TMEM213: variants seen among roughly 807,000 people sequenced by gnomAD.
TMEM213 encodes the protein transmembrane protein 213.
In TMEM213, 7 loss-of-function variants were observed where a neutral mutation model predicts 11.6. The ratio of observed to expected loss-of-function variants is 0.60; its 90% CI spans 0.34 to 1.13. The LOEUF is 1.13. Ranked by LOEUF, TMEM213 falls within the 50% of genes most tolerant of loss-of-function variation. The probability of loss-of-function intolerance (pLI) is 0.03; values close to 1 mark genes in which losing one functional copy is unlikely to be tolerated. For missense variants in TMEM213, 129 were observed against 139.0 expected, an observed-to-expected ratio of 0.93 and a Z score of 0.36; for synonymous variants, 60 against 58.3, an observed-to-expected ratio of 1.03 and a Z score of -0.13.
rs61044050 is a variant in TMEM213, at chr7:138,805,395, G to GAAAAAAAAAAAAAA, written c.*2330_*2343dup. 8.6e-6 allele frequency: 1 copy of GAAAAAAAAAAAAAA among 115,652 alleles called. No homozygotes were observed. The allele number at this position is 115,652 out of a possible 1,614,324, so 7.2% of individuals were successfully genotyped here. A position where few individuals can be genotyped will look rare whatever the true frequency, so the allele number is the denominator to read the frequency against. The stretch of plus-strand genomic sequence containing the variant: ...GGGCAACAAAGTGAGACCCTGTCTG[G>GAAAAAAAAAAAAAA]AAAAAAAAAAAAAAAAAGCGTCTGC... On this transcript the variant is annotated 3_prime_UTR_variant, in exon 3 of 3. Transcript: ENST00000442682.
At chr7:138,802,477 G>A (rs1808978212) in intron 2 of TMEM213, among the ~76,000 whole-genome samples, 1 of 150,220 alleles carries the variant, frequency 6.7e-6, no homozygotes, top group Non-Finnish European at 1.5e-5. Context: ...CTTGAACCCA[G>A]AAGGCAGAAG....
At chr7:138,802,864 T>C (rs994556128) in intron 2 of TMEM213, 36 bp from the exon 3 acceptor site, 2 of 1,521,740 alleles carry the variant, frequency 1.3e-6, no homozygotes, top group African/African-American at 2.8e-5. Flanking sequence ...GGGCTGGTGG[T>C]GCATGCCGTC....
chr7:138,800,778 G>GA (rs35253984), intron 1 of TMEM213, among the ~76,000 whole-genome samples: 98,230 of 149,592 alleles, frequency 0.66, 32,424 homozygotes, highest in African/African-American at 0.72. Context: ...TCAGCTCACT[G>GA]AACCTCCGCC....
At position 138,800,698 on chromosome 7, in the gene TMEM213, CTTCTTCT is replaced by C. The variant is rs745753335; in HGVS notation, c.83-626_83-620del. Among the ~76,000 whole-genome samples, 1,485 of 91,870 alleles carry C rather than the reference CTTCTTCT, an allele frequency of 0.016. 27 individuals carry two copies. The East Asian group carries it at 0.18, about 11-fold the overall frequency. 60.3% of individuals were successfully genotyped at this position (91,870 alleles called of 152,430 possible). A position where few individuals can be genotyped will look rare whatever the true frequency, so the allele number is the denominator to read the frequency against. On this transcript the variant is annotated intron_variant, in intron 1 of 2. Transcript: ENST00000442682. ...GATGTTTCTTCTTCTTCTTCTTCTT[CTTCTTCT>C]TTTTTTTTTTTTTTTAGACGGAGTT...
At position 138,805,352 on chromosome 7, in the gene TMEM213, G is replaced by A. The variant is rs1457072340; in HGVS notation, c.*2283G>A. The stretch of plus-strand genomic sequence containing the variant: ...CAAAGCTGCAGTGAGCCATGTTTGT[G>A]CCACTGCACTCCAGCCTGGGCAACA... On this transcript the variant is annotated 3_prime_UTR_variant, in exon 3 of 3. Coordinates refer to ENST00000442682, the MANE Select transcript of TMEM213 (RefSeq NM_001085429.2). The A allele has an allele frequency of 6.7e-6, 1 of 149,776 alleles. No individual in the cohort carries two copies. The highest frequency in any genetic ancestry group is 6.7e-5 in the Admixed American group (1 of 14,914). The allele number at this position is 149,776 out of a possible 1,614,324, so 9.3% of individuals were successfully genotyped here.
At chr7:138,801,497 G>A in intron 2 of TMEM213, 99 bp downstream of exon 2, 1 of 1,177,684 alleles carries the variant, frequency 8.5e-7, no homozygotes, top group Non-Finnish European at 1.2e-6. Flanking sequence ...TGTCAAGTGG[G>A]CAAGGGCCTG....
intron 2 of TMEM213, 47 bp from the exon 3 acceptor site, chr7:138,802,853 A>T (rs750019308): frequency 2.6e-6 from 4 of 1,512,164 alleles, no homozygotes; most frequent in Non-Finnish European, 3.5e-6. Context: ...AAGCCTGGGC[A>T]GGGCTGGTGG....
At chr7:138,801,724 C>T (rs998667956) in intron 2 of TMEM213, 4 of 327,870 alleles carry the variant, frequency 1.2e-5, no homozygotes, top group African/African-American at 4.2e-5. Context: ...AGTCCAACTT[C>T]CACCCAATGC....
intron 1 of TMEM213, among the ~76,000 whole-genome samples, chr7:138,800,642 C>T (rs999366324): frequency 6.6e-6 from 1 of 151,676 alleles, no homozygotes; most frequent in Non-Finnish European, 1.5e-5. Flanking sequence ...TGGGTTCTCA[C>T]GTGGACTTTT....
chr7:138,805,344 A>T lies in TMEM213; in HGVS notation c.*2275A>T, dbSNP rs1390594960. ...AGAGAGTTCAAAGCTGCAGTGAGCC[A>T]TGTTTGTGCCACTGCACTCCAGCCT... On this transcript the variant is annotated 3_prime_UTR_variant, in exon 3 of 3. Coordinates refer to ENST00000442682, the MANE Select transcript of TMEM213 (RefSeq NM_001085429.2). 1 of 148,878 alleles carries T rather than the reference A, an allele frequency of 6.7e-6. No homozygotes were observed. The highest frequency in any genetic ancestry group is 1.5e-5 in the Non-Finnish European group (1 of 67,466). 9.2% of individuals were successfully genotyped at this position (148,878 alleles called of 1,614,324 possible). A position where few individuals can be genotyped will look rare whatever the true frequency, so the allele number is the denominator to read the frequency against.
In TMEM213 at chr7:138,798,167, C is replaced by T. The variant is rs1272417593; in HGVS notation, c.63C>T (p.Leu21=). The T allele has an allele frequency of 6.3e-7, 1 of 1,597,926 alleles. No individual in the cohort carries two copies. The highest frequency in any genetic ancestry group is 2.3e-5 in the East Asian group (1 of 44,184). Residue 21 remains leucine, a synonymous_variant, in exon 1 of 3, where the codon CTC becomes CTT. Coordinates refer to ENST00000442682, the MANE Select transcript of TMEM213 (RefSeq NM_001085429.2). ...TCCTCAGCCTGGCCTTTGCCTCCCT[C>T]CACTCGGCTTGCTCGGCAGGTAGCG... is the stretch of plus-strand genomic sequence containing the variant. ...TLILSLAFAS[L]HSACSAEASS...
At position 138,805,367 on chromosome 7, in the gene TMEM213, C is replaced by T. The variant is rs1478148118; in HGVS notation, c.*2298C>T. The T allele has an allele frequency of 6.6e-6, 1 of 150,756 alleles. No individual in the cohort carries two copies. The highest frequency in any genetic ancestry group is 1.9e-4 in the East Asian group (1 of 5,158). The allele number at this position is 150,756 out of a possible 1,614,324, so 9.3% of individuals were successfully genotyped here. On this transcript the variant is annotated 3_prime_UTR_variant, in exon 3 of 3. Transcript: ENST00000442682. Reference sequence around the variant, plus strand: ...CCATGTTTGTGCCACTGCACTCCAGCCTGGGCAACAAAGTGAGACCCTGTC... The same window carrying T: ...CCATGTTTGTGCCACTGCACTCCAGTCTGGGCAACAAAGTGAGACCCTGTC...
chr7:138,802,868 T>C (rs1278458366), intron 2 of TMEM213, 32 bp from the exon 3 acceptor site: 1 of 1,524,024 alleles, frequency 6.6e-7, no homozygotes, highest in African/African-American at 1.4e-5. Context: ...TGGTGGTGCA[T>C]GCCGTCGTCC....
intron 1 of TMEM213, chr7:138,799,470 C>T (rs549739400): frequency 5.9e-5 from 9 of 152,246 alleles, no homozygotes; most frequent in African/African-American, 9.6e-5. Flanking sequence ...GGGAGGAGGG[C>T]GATGTTTAAA....
intron 1 of TMEM213, among the ~76,000 whole-genome samples, chr7:138,800,054 C>A (rs890021603): frequency 6.6e-6 from 1 of 151,518 alleles, no homozygotes; most frequent in Non-Finnish European, 1.5e-5. Flanking sequence ...AATATAATTT[C>A]TAGGAAGGTT....
chr7:138,798,114 C>A lies in TMEM213; in HGVS notation c.10C>A (p.Leu4Ile). 6.3e-7 allele frequency: 1 copy of A among 1,598,908 alleles called. No individual in the cohort carries two copies. Among genetic ancestry groups the A allele is most frequent in the East Asian group, 2.3e-5 (1 of 44,142 alleles). ...CAGCACAGCCTCCAGCATGCAGCGCCTCCCCGCTGCCACCCGGGCCACCCT... is the reference window on the plus strand; with the variant it reads ...CAGCACAGCCTCCAGCATGCAGCGCATCCCCGCTGCCACCCGGGCCACCCT... MQR[L>I]PAATRATLIL... The change falls in exon 1 of 3, where the codon CTC (leucine) becomes ATC (isoleucine). Residue 4 changes from leucine (L) to isoleucine (I), a missense_variant. Coordinates refer to ENST00000442682, the MANE Select transcript of TMEM213 (RefSeq NM_001085429.2).
At chr7:138,800,608 G>C (rs911393406) in intron 1 of TMEM213, among the ~76,000 whole-genome samples, 2 of 151,774 alleles carry the variant, frequency 1.3e-5, no homozygotes, top group African/African-American at 4.8e-5. Flanking sequence ...TCCCTCCTTG[G>C]GTTGCAAATA....
chr7:138,802,823 T>C, intron 2 of TMEM213, 77 bp from the exon 3 acceptor site: 5 of 1,427,066 alleles, frequency 3.5e-6, no homozygotes, highest in Non-Finnish European at 4.7e-6. Flanking sequence ...GTGATTGTTC[T>C]GTTAATATTA....
chr7:138,801,338 A>T lies in TMEM213; in HGVS notation c.94A>T (p.Ser32Cys). ...ATCTTTTCTTCCAGAAGCAAGCAGC[A>T]GCAACAGCTCAAGCTTGACCGCTCA... ...HSACSAEASS[S>C]NSSSLTAHHP... The change falls in exon 2 of 3, where the codon AGC becomes TGC. Residue 32 changes from serine to cysteine, a missense_variant. Transcript: ENST00000442682. 1.2e-6 allele frequency: 2 copies of T among 1,612,364 alleles called. No individual in the cohort carries two copies. The highest frequency in any genetic ancestry group is 2.2e-5 in the South Asian group (2 of 90,520).
Sources: allele counts gnomAD v4.1 joint callset (sites outside exome capture counted in the v4.1 genomes callset), GRCh38; gene constraint gnomAD v4.1.1; transcripts MANE v1.5; gene names NCBI Gene and HGNC (gene_info 2026-07-23, HGNC 2026-07-21).